The following TPGS2 variants were observed in gnomAD, a reference collection of about 807,000 sequenced individuals.
TPGS2 encodes tubulin polyglutamylase complex subunit 2.
A neutral mutation model predicts 31.1 loss-of-function variants in TPGS2; 26 were observed. The ratio of observed to expected loss-of-function variants is 0.84; its 90% confidence interval spans 0.61 to 1.16. The LOEUF is 1.16. Among genes scored for constraint, TPGS2 ranks in the 50% most tolerant of loss-of-function variants. The pLI, the probability that TPGS2 is intolerant of heterozygous loss-of-function variation, is 0.00. For synonymous variants in TPGS2, 130 were observed against 136.6 expected (o/e 0.95, Z 0.34); for missense variants, 351 against 363.8 (o/e 0.96, Z 0.29).
chr18:36,821,691 T>C (rs373949738), intron 1 of TPGS2, among the ~76,000 whole-genome samples: 1 of 152,158 alleles, frequency 6.6e-6, no homozygotes, highest in Non-Finnish European at 1.5e-5. Context: ...CTAGGTGACA[T>C]TGACTGTCAG....
Position 36,818,916 on chromosome 18 carries a change from T to C in TPGS2, c.143A>G (p.His48Arg), listed in dbSNP as rs764918157. The change falls in exon 2 of 7, where the codon CAT becomes CGT. Residue 48 changes from histidine to arginine, a missense_variant. Transcript: ENST00000334295. Reference sequence around the variant, plus strand: ...TACTTGTTCCCAGGAAGAAATCATATGACGTTCAGCAGGAGGCTTTTCTAT... The same window carrying C: ...TACTTGTTCCCAGGAAGAAATCATACGACGTTCAGCAGGAGGCTTTTCTAT... ...TIIEKPPAER[H>R]MISSWEQKNN... 3.1e-6 allele frequency: 5 copies of C among 1,613,790 alleles called. No individual in the cohort carries two copies. The highest frequency in any genetic ancestry group is 3.3e-5 in the Admixed American group (2 of 59,996).
At chr18:36,785,959 C>T (rs1455139874) in intron 6 of TPGS2, among the ~76,000 whole-genome samples, 1 of 152,068 alleles carries the variant, frequency 6.6e-6, no homozygotes, top group Non-Finnish European at 1.5e-5. Context: ...ACAGGAGAAG[C>T]TATGAATATT....
chr18:36,809,116 T>C (rs1286442242), intron 2 of TPGS2, among the ~76,000 whole-genome samples: 1 of 152,232 alleles, frequency 6.6e-6, no homozygotes, highest in East Asian at 1.9e-4. Context: ...GAAAGCATCA[T>C]GTAGAAGGAC....
chr18:36,798,593 A>G lies in TPGS2; in HGVS notation c.513T>C (p.Thr171=), dbSNP rs745867866. ...ACGCTCTGTCCAGGAACCAGATCTC[A>G]GTGTCTTCTGCTAATGCTGAAGTAG... ...KSGKPALAED[T]EIWFLDRALY... The change falls in exon 6 of 7, where the codon ACT becomes ACC. Residue 171 remains threonine, a synonymous_variant. Coordinates refer to ENST00000334295, the MANE Select transcript of TPGS2 (RefSeq NM_015476.4). The G allele has an allele frequency of 6.2e-7, 1 of 1,613,592 alleles. No homozygotes were observed. The highest frequency in any genetic ancestry group is 8.5e-7 in the Non-Finnish European group (1 of 1,179,520).
rs2044527464 is a variant in TPGS2 at position 36,796,419 on chromosome 18, G to A, written c.*386C>T. On this transcript the variant is annotated 3_prime_UTR_variant, in exon 7 of 7. Transcript: ENST00000334295. ...TTACTTTAAATTTAAATAGTCATATGTGACTAGTGGCTCCTGAATGAACAA... is the reference window on the plus strand; with the variant it reads ...TTACTTTAAATTTAAATAGTCATATATGACTAGTGGCTCCTGAATGAACAA... 2 of 1,008,576 alleles carry A rather than the reference G, an allele frequency of 2.0e-6. No homozygotes were observed. The highest frequency in any genetic ancestry group is 2.4e-6 in the Non-Finnish European group (2 of 845,244). 62.5% of individuals were successfully genotyped at this position (1,008,576 alleles called of 1,614,324 possible).
At chr18:36,810,500 G>C (rs537552435) in intron 2 of TPGS2, among the ~76,000 whole-genome samples, 3 of 152,252 alleles carry the variant, frequency 2.0e-5, no homozygotes, top group South Asian at 2.1e-4. Flanking sequence ...CTATATTTTG[G>C]GGGGTGTGAT....
chr18:36,789,426 G>A (rs927380869), downstream of TPGS2: 5 of 152,340 alleles, frequency 3.3e-5, no homozygotes, highest in South Asian at 2.1e-4. Flanking sequence ...TACTTGAAAT[G>A]TGGCTGGAGA....
Position 36,796,341 on chromosome 18 carries a change from T to C in TPGS2, c.*464A>G. 1 of 974,436 alleles carries C rather than the reference T, an allele frequency of 1.0e-6. No homozygotes were observed. The highest frequency in any genetic ancestry group is 1.2e-6 in the Non-Finnish European group (1 of 819,826). 60.4% of individuals were successfully genotyped at this position (974,436 alleles called of 1,614,324 possible). A position where few individuals can be genotyped will look rare whatever the true frequency, so the allele number is the denominator to read the frequency against. Reference sequence around the variant, plus strand: ...GCTAATACAGAATCTACCAGCCACATGAATACTCAAAATGTGGCTAATGCA... The same window carrying C: ...GCTAATACAGAATCTACCAGCCACACGAATACTCAAAATGTGGCTAATGCA... On this transcript the variant is annotated 3_prime_UTR_variant, in exon 7 of 7. Transcript: ENST00000334295.
chr18:36,819,209 C>T (rs1051578525), intron 1 of TPGS2, among the ~76,000 whole-genome samples: 6 of 152,212 alleles, frequency 3.9e-5, no homozygotes, highest in African/African-American at 1.4e-4. Context: ...GTGCTCTATA[C>T]TGTCATTGCT....
Position 36,807,870 on chromosome 18 carries a change from A to C in TPGS2, c.230T>G (p.Met77Arg), listed in dbSNP as rs1274580287. The C allele has an allele frequency of 1.2e-5, 20 of 1,614,064 alleles. No individual in the cohort carries two copies. The highest frequency in any genetic ancestry group is 1.6e-5 in the Non-Finnish European group (19 of 1,180,040). ...NFYLMTNGFHMTWSVKLDEHI... is the reference protein window; with the variant it reads ...NFYLMTNGFHRTWSVKLDEHI... ...ACCATCCAGCTTCACACTCCATGTC[A>C]TGTGGAAGCCATTGGTCATCAGGTA... Residue 77 changes from methionine to arginine, a missense_variant, in exon 3 of 7, where the codon ATG becomes AGG. Transcript: ENST00000334295.
chr18:36,816,414 TCTC>T (rs976425159), intron 2 of TPGS2, among the ~76,000 whole-genome samples: 2 of 152,162 alleles, frequency 1.3e-5, no homozygotes, highest in African/African-American at 4.8e-5. Context: ...GGTAAAGTCT[TCTC>T]CTTAAAGAGC....
chr18:36,783,255 A>C, intron 6 of TPGS2: 1 of 384,040 alleles, frequency 2.6e-6, no homozygotes, highest in South Asian at 1.4e-4. Context: ...AGCCTCTATG[A>C]GCAATTTTTA....
chr18:36,781,322 A>C (rs952864071), downstream of TPGS2, among the ~76,000 whole-genome samples: 2 of 152,104 alleles, frequency 1.3e-5, no homozygotes, highest in Non-Finnish European at 2.9e-5. Context: ...GGGGTTGAAA[A>C]ATCATCAGGT....
At chr18:36,822,812 T>C (rs1373331024) in intron 1 of TPGS2, among the ~76,000 whole-genome samples, 2 of 152,182 alleles carry the variant, frequency 1.3e-5, no homozygotes, top group African/African-American at 4.8e-5. Context: ...TTGCCCAGGC[T>C]TGTCTTGAAC....
intron 1 of TPGS2, among the ~76,000 whole-genome samples, chr18:36,824,929 T>C (rs1181008162): frequency 6.6e-6 from 1 of 152,208 alleles, no homozygotes; most frequent in Admixed American, 6.5e-5. Flanking sequence ...CCTAACTCAA[T>C]GTCACTTAAA....
chr18:36,780,129 A>G (rs1052455451), downstream of TPGS2: 1 of 1,232,082 alleles, frequency 8.1e-7, no homozygotes, highest in African/African-American at 1.6e-5. Context: ...CAGAATGGCA[A>G]AACTCTTCTC....
intron 4 of TPGS2, among the ~76,000 whole-genome samples, chr18:36,802,327 C>G (rs956542646): frequency 1.3e-5 from 2 of 152,174 alleles, no homozygotes; most frequent in Admixed American, 1.3e-4. Context: ...TCCCTTCTGC[C>G]AACTGTAGAC....
chr18:36,823,460 G>GTTTTTTTTTTTTT lies in TPGS2; in HGVS notation c.86-4500_86-4488dup, dbSNP rs919277214. On this transcript the variant is annotated intron_variant, in intron 1 of 6. Coordinates refer to ENST00000334295, the MANE Select transcript of TPGS2 (RefSeq NM_015476.4). The stretch of plus-strand genomic sequence containing the variant: ...TCTCTGACTTCCTTGTTAACAGCTT[G>GTTTTTTTTTTTTT]TTTTTTTTTTTTTTTTTTGAGACGG... Among the ~76,000 whole-genome samples the GTTTTTTTTTTTTT allele has an allele frequency of 1.1e-3, 122 of 108,080 alleles. 14 individuals carry two copies. Among genetic ancestry groups the GTTTTTTTTTTTTT allele is most frequent in the African/African-American group, 3.4e-3 (89 of 26,126 alleles). 70.9% of individuals were successfully genotyped at this position (108,080 alleles called of 152,430 possible).
Position 36,796,672 on chromosome 18 carries a change from A to T in TPGS2, c.*133T>A. The stretch of plus-strand genomic sequence containing the variant: ...GCCTGGCTAATGTCGGTGGGACTAA[A>T]AGCCTTACAATTTTGGTCATTCAAC... On this transcript the variant is annotated 3_prime_UTR_variant, in exon 7 of 7. Transcript: ENST00000334295. The T allele has an allele frequency of 6.9e-7, 1 of 1,447,400 alleles. No individual in the cohort carries two copies. The allele number at this position is 1,447,400 out of a possible 1,614,324, so 89.7% of individuals were successfully genotyped here. A position where few individuals can be genotyped will look rare whatever the true frequency, so the allele number is the denominator to read the frequency against.
Sources: gnomAD v4.1 joint callset for allele counts (sites outside exome capture counted in the v4.1 genomes callset) on GRCh38, gnomAD v4.1.1 for gene constraint, MANE v1.5 for transcripts, NCBI Gene and HGNC (gene_info 2026-07-23, HGNC 2026-07-21) for gene names.